The following TCF12 variants were observed in gnomAD, a reference collection of about 807,000 sequenced individuals.
The protein encoded by TCF12 is DNA-binding protein HTF4.
Under a neutral mutation model 86.0 loss-of-function variants are expected in TCF12, and 45 were observed. The observed-to-expected ratio is 0.52, with a 90% CI of 0.41 to 0.67. The LOEUF (loss-of-function observed/expected upper bound fraction) is 0.67, where lower values mean the gene tolerates loss of function less well. Ranked by LOEUF, TCF12 falls within the 30% of genes least tolerant of loss-of-function variation. The pLI, the probability that TCF12 is intolerant of heterozygous loss-of-function variation, is 0.00. For missense variants in TCF12, 881 were observed against 859.9 expected, an observed-to-expected ratio of 1.02 and a Z score of -0.31; for synonymous variants, 330 against 299.6, an observed-to-expected ratio of 1.10 and a Z score of -1.05.
intron 4 of TCF12, among the ~76,000 whole-genome samples, chr15:57,090,093 G>A (rs1027370332): frequency 2.6e-5 from 4 of 152,074 alleles, no homozygotes; most frequent in Non-Finnish European, 5.9e-5. Context: ...GTGCACTACT[G>A]TAGTTCCAGC....
At chr15:56,919,636 G>A (rs971925335) in intron 1 of TCF12, 1 of 306,996 alleles carries the variant, frequency 3.3e-6, no homozygotes, top group African/African-American at 2.2e-5. Flanking sequence ...TCGGAAACTT[G>A]GGGGAGAGGC....
At chr15:57,061,118 A>G (rs961509707) in intron 3 of TCF12, among the ~76,000 whole-genome samples, 2 of 152,330 alleles carry the variant, frequency 1.3e-5, no homozygotes, top group African/African-American at 2.4e-5. Flanking sequence ...CCATCACCCA[A>G]TTAATTACCA....
chr15:57,050,410 C>G (rs1596302872), intron 3 of TCF12, among the ~76,000 whole-genome samples: 1 of 152,218 alleles, frequency 6.6e-6, no homozygotes, highest in East Asian at 1.9e-4. Context: ...TTTATTGTTT[C>G]TGATAAGTCT....
At chr15:56,965,645 C>G (rs1373533202) in intron 3 of TCF12, among the ~76,000 whole-genome samples, 1 of 152,052 alleles carries the variant, frequency 6.6e-6, no homozygotes, top group African/African-American at 2.4e-5. Context: ...TTCAAAATCA[C>G]CATTTGCTCT....
chr15:57,263,350 C>T (rs1362627962), intron 18 of TCF12, 76 bp downstream of exon 18: 1 of 1,427,408 alleles, frequency 7.0e-7, no homozygotes, highest in Non-Finnish European at 9.6e-7. Context: ...GGGTGTCATG[C>T]ATTTATTAAC....
intron 3 of TCF12, among the ~76,000 whole-genome samples, chr15:57,055,505 G>A (rs2067952595): frequency 6.6e-6 from 1 of 152,100 alleles, no homozygotes; most frequent in Non-Finnish European, 1.5e-5. Context: ...TCTGTTATTT[G>A]TAAAGGTCTT....
At chr15:57,001,012 A>AT (rs71113050) in intron 3 of TCF12, among the ~76,000 whole-genome samples, 48,240 of 126,804 alleles carry the variant, frequency 0.38, 10,899 homozygotes, top group Non-Finnish European at 0.5. Flanking sequence ...TTTAAAAAAA[A>AT]TTTTTTTTTT....
chr15:57,159,995 CTCTG>C (rs150486951), intron 5 of TCF12, among the ~76,000 whole-genome samples: 6,264 of 152,262 alleles, frequency 0.041, 355 homozygotes, highest in African/African-American at 0.13. Flanking sequence ...ATATCATTAT[CTCTG>C]TCTGTTTCCT....
At chr15:56,989,930 C>G (rs1172793872) in intron 3 of TCF12, among the ~76,000 whole-genome samples, 1 of 152,108 alleles carries the variant, frequency 6.6e-6, no homozygotes, top group East Asian at 1.9e-4. Flanking sequence ...GTTTTTCTAA[C>G]TTCAGAGACG....
chr15:57,054,882 A>G (rs2067890450), intron 3 of TCF12, among the ~76,000 whole-genome samples: 1 of 150,020 alleles, frequency 6.7e-6, no homozygotes, highest in African/African-American at 2.5e-5. Context: ...CACTTCACAT[A>G]AAAGGCAGAA....
intron 5 of TCF12, among the ~76,000 whole-genome samples, chr15:57,124,724 C>G (rs1452470898): frequency 2.0e-5 from 3 of 151,922 alleles, no homozygotes; most frequent in African/African-American, 7.3e-5. Flanking sequence ...GTTGCCCAGG[C>G]TGGAGTGCAG....
At chr15:57,045,045 T>C (rs1412230889) in intron 3 of TCF12, among the ~76,000 whole-genome samples, 1 of 152,216 alleles carries the variant, frequency 6.6e-6, no homozygotes, top group African/African-American at 2.4e-5. Flanking sequence ...TAATTGATCA[T>C]TGTAGAAAAC....
intron 4 of TCF12, among the ~76,000 whole-genome samples, chr15:57,081,908 T>G (rs1450018943): frequency 1.3e-5 from 2 of 152,046 alleles, no homozygotes; most frequent in African/African-American, 4.8e-5. Flanking sequence ...AAACCTCAAA[T>G]TAGGGAGGAT....
chr15:56,958,145 G>A (rs548709442), intron 3 of TCF12, among the ~76,000 whole-genome samples: 2 of 152,152 alleles, frequency 1.3e-5, no homozygotes, highest in East Asian at 1.9e-4. Flanking sequence ...TTTTGCAGGA[G>A]TTTTTACCTG....
chr15:57,147,765 A>G (rs1372690208), intron 5 of TCF12, among the ~76,000 whole-genome samples: 1 of 152,208 alleles, frequency 6.6e-6, no homozygotes, highest in African/African-American at 2.4e-5. Flanking sequence ...TAAAGTGACA[A>G]TACAAATTAA....
chr15:57,079,651 G>A (rs1489559807), intron 4 of TCF12, among the ~76,000 whole-genome samples: 2 of 152,120 alleles, frequency 1.3e-5, no homozygotes, highest in Non-Finnish European at 2.9e-5. Flanking sequence ...TGGTGAATGA[G>A]TAGCCCCTGG....
chr15:57,195,448 G>C (rs890714744), intron 7 of TCF12, among the ~76,000 whole-genome samples: 2 of 152,168 alleles, frequency 1.3e-5, no homozygotes, highest in Non-Finnish European at 2.9e-5. Context: ...TTTCGTACAA[G>C]GAGTATGGCT....
At chr15:56,951,059 A>G (rs1182933756) in intron 3 of TCF12, among the ~76,000 whole-genome samples, 3 of 152,062 alleles carry the variant, frequency 2.0e-5, no homozygotes, top group Non-Finnish European at 2.9e-5. Flanking sequence ...CCCGGCCATT[A>G]TGACCATTCT....
intron 3 of TCF12, among the ~76,000 whole-genome samples, chr15:57,017,654 G>T (rs1299008686): frequency 6.6e-6 from 1 of 151,512 alleles, no homozygotes; most frequent in East Asian, 1.9e-4. Flanking sequence ...AGAATTATTG[G>T]TAATATTTTT....
Sources: gnomAD v4.1 joint callset for allele counts (sites outside exome capture counted in the v4.1 genomes callset) on GRCh38, gnomAD v4.1.1 for gene constraint, MANE v1.5 for transcripts, NCBI Gene and HGNC (gene_info 2026-07-23, HGNC 2026-07-21) for gene names.